The following PRUNE2 variants were observed in gnomAD, a reference collection of about 807,000 sequenced individuals.
PRUNE2 encodes the protein prune homolog 2 with BCH domain.
In PRUNE2, 164 loss-of-function variants were observed where a neutral mutation model predicts 252.0. The ratio of observed to expected loss-of-function variants is 0.65; its 90% CI spans 0.57 to 0.74. The LOEUF is 0.74. PRUNE2 is among the 30% of genes least tolerant of loss of function. The probability of loss-of-function intolerance (pLI) is 0.00; values close to 1 mark genes in which losing one functional copy is unlikely to be tolerated. For missense variants in PRUNE2, 3,495 were observed against 3,711.0 expected, an observed-to-expected ratio of 0.94 and a Z score of 1.51; for synonymous variants, 1,292 against 1,350.2, an observed-to-expected ratio of 0.96 and a Z score of 0.94.
At chr9:76,669,348 T>C (rs992739848) in intron 9 of PRUNE2, among the ~76,000 whole-genome samples, 13 of 151,816 alleles carry the variant, frequency 8.6e-5, no homozygotes, top group Non-Finnish European at 1.5e-4. Context: ...AGATGAAGTT[T>C]CACTCTTGTC....
chr9:76,756,845 G>A (rs2039879), intron 6 of PRUNE2, among the ~76,000 whole-genome samples: 17,068 of 103,466 alleles, frequency 0.16, 1,465 homozygotes, highest in East Asian at 0.43. Flanking sequence ...CACCCTGCCC[G>A]TGCCCTGCCC....
At position 76,880,691 on chromosome 9, in the gene PRUNE2, C is replaced by T. The variant is rs769233001; in HGVS notation, c.36+25237G>A. Among the ~76,000 whole-genome samples the T allele has an allele frequency of 5.4e-4, 82 of 152,256 alleles. No individual in the cohort carries two copies. In the Middle Eastern group the frequency reaches 0.027, roughly 51 times the overall value. Reference sequence around the variant, plus strand: ...AAGTACGCATAAAGCATGTCTTTTGCATTTTGAAGACGAAGCATTATCTAG... The same window carrying T: ...AAGTACGCATAAAGCATGTCTTTTGTATTTTGAAGACGAAGCATTATCTAG... On this transcript the variant is annotated intron_variant, in intron 1 of 18. Transcript: ENST00000376718.
rs1182105069 is a variant in PRUNE2, at chr9:76,631,260, TC to T, written c.9051-1971del. ...AAAGAAGTCATGCAAAAGGAAAACCTCCAGCTCCAGTGTTAACATTCACTGG... is the reference window on the plus strand; with the variant it reads ...AAAGAAGTCATGCAAAAGGAAAACCTCAGCTCCAGTGTTAACATTCACTGG... On this transcript the variant is annotated intron_variant, in intron 15 of 18. Transcript: ENST00000376718. 2.6e-4 allele frequency among the ~76,000 whole-genome samples: 40 copies of T among 152,320 alleles called. No individual in the cohort carries two copies. In the Middle Eastern group the frequency reaches 0.01, roughly 39 times the overall value.
intron 6 of PRUNE2, among the ~76,000 whole-genome samples, chr9:76,755,839 C>T (rs745335296): frequency 3.9e-5 from 6 of 152,096 alleles, no homozygotes; most frequent in Non-Finnish European, 8.8e-5. Context: ...GTAGCTGAGA[C>T]CACAGGTGCA....
chr9:76,629,150 A>G (rs761647710), intron 16 of PRUNE2, 42 bp downstream of exon 16: 4 of 1,251,864 alleles, frequency 3.2e-6, no homozygotes, highest in Non-Finnish European at 4.6e-6. Context: ...GCCTCAAACT[A>G]GTACTATTTC....
At chr9:76,656,424 A>T (rs1849260136) in intron 9 of PRUNE2, among the ~76,000 whole-genome samples, 2 of 152,142 alleles carry the variant, frequency 1.3e-5, no homozygotes, top group South Asian at 2.1e-4. Flanking sequence ...ATAAACCTTT[A>T]TGTTAAAGTT....
At chr9:76,880,684 T>C (rs1488452028) in intron 1 of PRUNE2, among the ~76,000 whole-genome samples, 6 of 152,230 alleles carry the variant, frequency 3.9e-5, no homozygotes, top group Non-Finnish European at 8.8e-5. Context: ...ATAAAGCATG[T>C]CTTTTGCATT....
At chr9:76,787,360 AT>A (rs756763173) in intron 6 of PRUNE2, 3 of 151,076 alleles carry the variant, frequency 2.0e-5, no homozygotes, top group East Asian at 3.9e-4. Flanking sequence ...ATTTATTTTT[AT>A]TGCTGACTTT....
intron 6 of PRUNE2, among the ~76,000 whole-genome samples, chr9:76,746,561 C>T (rs151103460): frequency 0.024 from 3,696 of 151,282 alleles, 146 homozygotes; most frequent in African/African-American, 0.084. Context: ...AAAAATTAGC[C>T]GGGCGCGGTG....
intron 6 of PRUNE2, among the ~76,000 whole-genome samples, chr9:76,756,815 G>A (rs993298300): frequency 6.6e-6 from 1 of 152,168 alleles, no homozygotes; most frequent in African/African-American, 2.4e-5. Flanking sequence ...GTGCCTTGAT[G>A]CTTGATGCTG....
intron 1 of PRUNE2, among the ~76,000 whole-genome samples, chr9:76,860,811 G>A (rs376394710): frequency 1.3e-5 from 2 of 152,262 alleles, no homozygotes; most frequent in East Asian, 3.9e-4. Context: ...GAAACTGTAG[G>A]ATGGTGTCTC....
At chr9:76,742,668 T>C (rs1002650252) in intron 6 of PRUNE2, among the ~76,000 whole-genome samples, 5 of 150,918 alleles carry the variant, frequency 3.3e-5, no homozygotes, top group Non-Finnish European at 4.4e-5. Context: ...AGCAATCCAA[T>C]TGAAAAATAT....
rs1426601442 is a variant in PRUNE2, at chr9:76,707,842, C to T, written c.4432G>A (p.Gly1478Ser). The T allele has an allele frequency of 6.2e-7, 1 of 1,613,666 alleles. No homozygotes were observed. The highest frequency in any genetic ancestry group is 1.3e-5 in the African/African-American group (1 of 75,016). The change falls in exon 8 of 19, where the codon GGT becomes AGT. Residue 1478 changes from glycine to serine, a missense_variant. Gly to Ser is a moderately conservative substitution (Grantham distance 56). Transcript: ENST00000376718. ...GGAACTCTGTGAGGTGGCCCTCCAC[C>T]CACGTTCTCTGGCTCTAGAAAGTTA... is the stretch of plus-strand genomic sequence containing the variant. Reference protein sequence around the residue: ...ECNFLEPENVGGGPPHRVPRS... With the variant: ...ECNFLEPENVSGGPPHRVPRS...
At chr9:76,635,588 T>C (rs1198276408) in intron 15 of PRUNE2, among the ~76,000 whole-genome samples, 1 of 152,048 alleles carries the variant, frequency 6.6e-6, no homozygotes. Context: ...TAAATAAATA[T>C]AACTAAATAC....
intron 6 of PRUNE2, among the ~76,000 whole-genome samples, chr9:76,752,464 C>T (rs901249618): frequency 6.8e-4 from 104 of 152,250 alleles, no homozygotes; most frequent in African/African-American, 2.3e-3. Context: ...GGATTGAACA[C>T]TTCTACAGAC....
chr9:76,627,676 A>C (rs1481894450), intron 16 of PRUNE2, among the ~76,000 whole-genome samples: 1 of 152,140 alleles, frequency 6.6e-6, no homozygotes, highest in Non-Finnish European at 1.5e-5. Context: ...TGAGGTTTGA[A>C]TTTTGAAGGA....
chr9:76,820,201 C>T (rs1031926249), intron 6 of PRUNE2, among the ~76,000 whole-genome samples: 1 of 152,192 alleles, frequency 6.6e-6, no homozygotes, highest in Non-Finnish European at 1.5e-5. Flanking sequence ...TTTCTACACA[C>T]CGCCCCTCAA....
chr9:76,772,702 T>G (rs1428429839), intron 6 of PRUNE2, among the ~76,000 whole-genome samples: 1 of 152,168 alleles, frequency 6.6e-6, no homozygotes, highest in East Asian at 1.9e-4. Flanking sequence ...TAGCTGGGAC[T>G]ATAGGCACAC....
chr9:76,724,987 C>G (rs2047987684), intron 6 of PRUNE2, among the ~76,000 whole-genome samples: 2 of 152,024 alleles, frequency 1.3e-5, no homozygotes, highest in African/African-American at 4.8e-5. Context: ...TACACTCTAG[C>G]TCCCAGATAA....
Sources: gnomAD v4.1 joint callset for allele counts (sites outside exome capture counted in the v4.1 genomes callset) on GRCh38, gnomAD v4.1.1 for gene constraint, MANE v1.5 for transcripts, NCBI Gene and HGNC (gene_info 2026-07-23, HGNC 2026-07-21) for gene names.